Variants in GGA2 observed in about 807,000 individuals in gnomAD.
GGA2 encodes the protein ADP-ribosylation factor-binding protein GGA2.
GGA2 carries 48 observed loss-of-function variants against 79.5 expected under a neutral mutation model. That is an observed-to-expected ratio of 0.60 (90% CI 0.48 to 0.77). The LOEUF (loss-of-function observed/expected upper bound fraction) is 0.77. GGA2 is among the 30% of genes least tolerant of loss of function. The pLI, the probability that GGA2 is intolerant of heterozygous loss-of-function variation, is 0.00. For synonymous variants in GGA2, 317 were observed against 302.0 expected (o/e 1.05, Z -0.51); for missense variants, 770 against 774.0 (o/e 0.99, Z 0.06).
chr16:23,523,817 G>A (rs999784107), upstream of GGA2: 8 of 73,572 alleles, frequency 1.1e-4, no homozygotes, highest in South Asian at 2.0e-3. Context: ...GAAGAGGAAC[G>A]TTGGGCACAT....
At chr16:23,500,914 C>T (rs1964914557) in intron 1 of GGA2, 1 of 212,894 alleles carries the variant, frequency 4.7e-6, no homozygotes, top group African/African-American at 2.3e-5. Flanking sequence ...GAGCTCTCAC[C>T]TATATTATAT....
At chr16:23,510,557 C>G (rs537335076), upstream of GGA2, 321 of 389,714 alleles carry the variant, frequency 8.2e-4, 3 homozygotes, top group African/African-American at 6.4e-3. Flanking sequence ...CCCCAGGCCC[C>G]CCCTCCACGC....
chr16:23,491,533 A>T, intron 5 of GGA2, 144 bp downstream of exon 5: 1 of 356,228 alleles, frequency 2.8e-6, no homozygotes, highest in Admixed American at 4.7e-5. Context: ...TATTGCGTAA[A>T]AAAAAAAAAA....
At chr16:23,495,067 CTCTG>C (rs1234129171) in intron 2 of GGA2, among the ~76,000 whole-genome samples, 2 of 146,900 alleles carry the variant, frequency 1.4e-5, no homozygotes, top group Non-Finnish European at 3.0e-5. Context: ...TCTTGAGACA[CTCTG>C]TCTCAGGAAA....
chr16:23,485,150 C>A (rs1964696206), intron 8 of GGA2, among the ~76,000 whole-genome samples: 3 of 152,214 alleles, frequency 2.0e-5, no homozygotes, highest in Non-Finnish European at 4.4e-5. Flanking sequence ...ACGTATTGTG[C>A]AACCGCATTT....
intron 8 of GGA2, 77 bp from the exon 9 acceptor site, chr16:23,483,081 C>T (rs1160363222): frequency 6.8e-6 from 6 of 883,218 alleles, no homozygotes; most frequent in Admixed American, 3.7e-5. Context: ...CAGGAGCCTT[C>T]GATCAGGCAG....
chr16:23,485,097 T>C (rs1964695515), intron 8 of GGA2, among the ~76,000 whole-genome samples: 1 of 152,204 alleles, frequency 6.6e-6, no homozygotes, highest in African/African-American at 2.4e-5. Context: ...TGGATGCACC[T>C]GCAAACATTA....
chr16:23,503,732 G>T (rs1964944481), intron 1 of GGA2, among the ~76,000 whole-genome samples: 1 of 152,112 alleles, frequency 6.6e-6, no homozygotes, highest in Non-Finnish European at 1.5e-5. Context: ...TTTTCCTATG[G>T]GGGGAAAAAA....
At chr16:23,476,914 C>T (rs955509974) in intron 13 of GGA2, among the ~76,000 whole-genome samples, 1 of 152,130 alleles carries the variant, frequency 6.6e-6, no homozygotes, top group Non-Finnish European at 1.5e-5. Flanking sequence ...TATTTTCCTA[C>T]GACTTAGGAA....
At chr16:23,499,918 G>A (rs1360809620) in intron 1 of GGA2, among the ~76,000 whole-genome samples, 15 of 152,308 alleles carry the variant, frequency 9.8e-5, no homozygotes, top group Admixed American at 5.9e-4. Flanking sequence ...CTAGGCTCCC[G>A]CATCACGATG....
At chr16:23,496,895 T>A (rs1596991566) in intron 1 of GGA2, among the ~76,000 whole-genome samples, 1 of 146,422 alleles carries the variant, frequency 6.8e-6, no homozygotes, top group South Asian at 2.2e-4. Context: ...GAGGTGGAGG[T>A]TGCAGTGAGC....
At chr16:23,499,876 G>A (rs1964900891) in intron 1 of GGA2, among the ~76,000 whole-genome samples, 1 of 152,200 alleles carries the variant, frequency 6.6e-6, no homozygotes, top group African/African-American at 2.4e-5. Flanking sequence ...GGGTGGGGCC[G>A]CTGGCAGGGC....
chr16:23,507,657 G>T (rs1964988363), intron 1 of GGA2, among the ~76,000 whole-genome samples: 1 of 146,396 alleles, frequency 6.8e-6, no homozygotes, highest in Admixed American at 6.8e-5. Flanking sequence ...CAAATTAGCC[G>T]GTTGTGGTGG....
chr16:23,469,043 T>C, intron 15 of GGA2, 47 bp from the exon 16 acceptor site: 1 of 1,165,774 alleles, frequency 8.6e-7, no homozygotes, highest in African/African-American at 1.5e-5. Flanking sequence ...TAACCACAGC[T>C]TCTAGGATGG....
upstream of GGA2, among the ~76,000 whole-genome samples, chr16:23,513,642 G>T (rs1302627066): frequency 1.3e-5 from 2 of 151,806 alleles, no homozygotes; most frequent in Admixed American, 6.6e-5. Context: ...AAAATTAGCT[G>T]GGTGTGCTGG....
upstream of GGA2, among the ~76,000 whole-genome samples, chr16:23,511,847 C>A (rs1165507651): frequency 6.6e-6 from 1 of 152,076 alleles, no homozygotes; most frequent in Non-Finnish European, 1.5e-5. Context: ...GCAAATTTAT[C>A]TGGAAAAAAA....
At chr16:23,501,852 G>C (rs1229084942) in intron 1 of GGA2, among the ~76,000 whole-genome samples, 1 of 152,316 alleles carries the variant, frequency 6.6e-6, no homozygotes, top group East Asian at 1.9e-4. Flanking sequence ...AACAGTGGGT[G>C]CCAGGTGCTT....
rs546927960 is a variant in GGA2 at position 23,505,429 on chromosome 16, G to A, written c.91+4892C>T. On this transcript the variant is annotated intron_variant, in intron 1 of 16. Coordinates refer to ENST00000309859, the MANE Select transcript of GGA2 (RefSeq NM_015044.4). ...TCCTAGGACACCCATACAACGGGGC[G>A]TCTAAGGCTTTTCATTTAAAAGAAC... 1.2e-4 allele frequency among the ~76,000 whole-genome samples: 19 copies of A among 152,258 alleles called. 1 individual carries two copies. The highest frequency in any genetic ancestry group is 4.1e-4 in the African/African-American group (17 of 41,562).
Position 23,475,074 on chromosome 16 carries a change from A to C in GGA2, c.1293-13T>G, listed in dbSNP as rs1313496768. The C allele has an allele frequency of 1.9e-6, 3 of 1,540,606 alleles. No homozygotes were observed. The East Asian group carries it at 6.8e-5, about 35-fold the overall frequency. On this transcript the variant is annotated splice_polypyrimidine_tract_variant and intron_variant, in intron 13 of 16. Transcript: ENST00000309859. ...CGAAACATAATTCCTACAAAGAAAT[A>C]AAAAATATCAAAGACTAGCAAAAAT...
Sources: gnomAD v4.1 joint callset for allele counts (sites outside exome capture counted in the v4.1 genomes callset) on GRCh38, gnomAD v4.1.1 for gene constraint, MANE v1.5 for transcripts, NCBI Gene and HGNC (gene_info 2026-07-23, HGNC 2026-07-21) for gene names.